COL8A2: variants seen among roughly 807,000 people sequenced by gnomAD.
COL8A2 encodes collagen alpha-2(VIII) chain.
COL8A2 carries 16 observed loss-of-function variants against 24.0 expected under a neutral mutation model. The ratio of observed to expected loss-of-function variants is 0.67; its 90% confidence interval spans 0.45 to 1.01. The LOEUF is 1.01. COL8A2 is among the 50% of genes least tolerant of loss of function. The pLI is 0.00. For missense variants in COL8A2, 818 were observed against 942.4 expected, an observed-to-expected ratio of 0.87 and a Z score of 1.73; for synonymous variants, 466 against 424.5, an observed-to-expected ratio of 1.10 and a Z score of -1.20.
At position 36,123,049 on chromosome 1, in the gene COL8A2, T is replaced by C. The variant is rs1643925801; in HGVS notation, c.-62+2008A>G. Among the ~76,000 whole-genome samples the C allele has an allele frequency of 6.6e-6, 1 of 152,180 alleles. No homozygotes were observed. Among genetic ancestry groups the C allele is most frequent in the Non-Finnish European group, 1.5e-5 (1 of 68,024 alleles). On this transcript the variant is annotated intron_variant, in intron 1 of 3. Transcript: ENST00000397799. This position sits in a 1 kb window ranked among gnomAD's most constrained non-coding sequence, Gnocchi z 4.1. ...TCATCTTCGAAAGCCCTGGCCAGAT[T>C]ACCTCTTAGGTGCCACCTTCCCTGA... is the stretch of plus-strand genomic sequence containing the variant.
chr1:36,098,949 A>T lies in COL8A2; in HGVS notation c.732T>A (p.Leu244=), dbSNP rs1349355842. 1 of 1,609,466 alleles carries T rather than the reference A, an allele frequency of 6.2e-7. No individual in the cohort carries two copies. The highest frequency in any genetic ancestry group is 1.7e-5 in the Admixed American group (1 of 59,846). ...CACCCTTGTCTCCTGGGGCCCCAGGAAGCCCATCCAAACCAGGTTTGCCTA... is the reference window on the plus strand; with the variant it reads ...CACCCTTGTCTCCTGGGGCCCCAGGTAGCCCATCCAAACCAGGTTTGCCTA... ...AGLGKPGLDG[L]PGAPGDKGES... Residue 244 remains leucine, a synonymous_variant, in exon 4 of 4, where the codon CTT becomes CTA. Transcript: ENST00000397799.
At position 36,098,259 on chromosome 1, in the gene COL8A2, A is replaced by C; in HGVS notation, c.1422T>G (p.Ile474Met). 1.3e-6 allele frequency: 2 copies of C among 1,545,344 alleles called. No individual in the cohort carries two copies. Among genetic ancestry groups the C allele is most frequent in the Non-Finnish European group, 8.7e-7 (1 of 1,145,234 alleles). Reference sequence around the variant, plus strand: ...TCAGGCCCGGCAGGCCTTGGGGCCCAATAGGGCCAGCTGGACCCTGGAGTC... The same window carrying C: ...TCAGGCCCGGCAGGCCTTGGGGCCCCATAGGGCCAGCTGGACCCTGGAGTC... ...IPGLQGPAGP[I>M]GPQGLPGLKG... The change falls in exon 4 of 4, where the codon ATT (isoleucine) becomes ATG (methionine). Residue 474 changes from isoleucine to methionine, a missense_variant. Physicochemically the swap from Ile to Met is conservative, Grantham distance 10. Around this residue, in one of 3 missense-constraint regions of COL8A2, gnomAD observed 10 missense variants for 28.3 expected, o/e 0.35. Coordinates refer to ENST00000397799, the MANE Select transcript of COL8A2 (RefSeq NM_005202.4).
intron 1 of COL8A2, among the ~76,000 whole-genome samples, chr1:36,119,077 G>A (rs1045965495): frequency 6.6e-6 from 1 of 152,134 alleles, no homozygotes; most frequent in African/African-American, 2.4e-5. Flanking sequence ...ATTTTACTGA[G>A]GAAGAGTGCT....
rs1354098143 is a variant in COL8A2, at chr1:36,120,777, G to GAGGAAGGA, written c.-62+4272_-62+4279dup. Among the ~76,000 whole-genome samples the GAGGAAGGA allele has an allele frequency of 5.9e-3, 854 of 144,832 alleles. 11 individuals are homozygous for GAGGAAGGA. Among genetic ancestry groups the GAGGAAGGA allele is most frequent in the African/African-American group, 0.021 (814 of 39,094 alleles). ...AAAAAAAAAAAAATAGAGAGAGAGAGAGGAAGGAAGGAAGGAAGGAAGGAA... is the reference window on the plus strand; with the variant it reads ...AAAAAAAAAAAAATAGAGAGAGAGAGAGGAAGGAAGGAAGGAAGGAAGGAAGGAAGGAA... On this transcript the variant is annotated intron_variant, in intron 1 of 3. Coordinates refer to ENST00000397799, the MANE Select transcript of COL8A2 (RefSeq NM_005202.4).
chr1:36,098,155 G>T lies in COL8A2; in HGVS notation c.1526C>A (p.Pro509Gln). ...GATTCCAGGGGAGCCAGGGACCCCTGGGGGCCCCGTGGGCCCAGCCGTGCC... is the reference window on the plus strand; with the variant it reads ...GATTCCAGGGGAGCCAGGGACCCCTTGGGGCCCCGTGGGCCCAGCCGTGCC... ...EPGTAGPTGPPGVPGSPGITG... is the reference protein window; with the variant it reads ...EPGTAGPTGPQGVPGSPGITG... The change falls in exon 4 of 4, where the codon CCA (proline) becomes CAA (glutamine). Residue 509 changes from proline to glutamine, a missense_variant. Physicochemically the swap from Pro to Gln is moderately conservative, Grantham distance 76. Transcript: ENST00000397799. 1.3e-6 allele frequency: 2 copies of T among 1,484,904 alleles called. No individual in the cohort carries two copies. Among genetic ancestry groups the T allele is most frequent in the Non-Finnish European group, 1.8e-6 (2 of 1,123,092 alleles). The allele number at this position is 1,484,904 out of a possible 1,614,324, so 92.0% of individuals were successfully genotyped here. A position where few individuals can be genotyped will look rare whatever the true frequency, so the allele number is the denominator to read the frequency against.
intron 2 of COL8A2, among the ~76,000 whole-genome samples, chr1:36,114,482 G>T (rs879327313): frequency 1.8e-4 from 27 of 152,110 alleles, no homozygotes; most frequent in Admixed American, 1.8e-3. Flanking sequence ...CAACCCAGAC[G>T]TCTCACTGCC....
Position 36,097,608 on chromosome 1 carries a change from G to C in COL8A2, c.2073C>G (p.Ile691Met), listed in dbSNP as rs560249177. ...QANGLYSTEY[I>M]HSSFSGFLLC... ...GCAAGAATCCTGAAAAGGAGGAGTGGATGTACTCCGTGGAGTAGAGGCCGT... is the reference window on the plus strand; with the variant it reads ...GCAAGAATCCTGAAAAGGAGGAGTGCATGTACTCCGTGGAGTAGAGGCCGT... Residue 691 changes from isoleucine (I) to methionine (M), a missense_variant, in exon 4 of 4, where the codon ATC becomes ATG. Ile to Met is a conservative substitution (Grantham distance 10). Coordinates refer to ENST00000397799, the MANE Select transcript of COL8A2 (RefSeq NM_005202.4). The C allele has an allele frequency of 3.1e-6, 5 of 1,612,716 alleles. No homozygotes were observed. In the Admixed American group the frequency reaches 8.3e-5, roughly 27 times the overall value.
intron 1 of COL8A2, among the ~76,000 whole-genome samples, chr1:36,116,903 C>T (rs968656307): frequency 3.3e-5 from 5 of 152,206 alleles, no homozygotes; most frequent in African/African-American, 4.8e-5. Context: ...GTCCCCATTT[C>T]TGCCTCAATC....
chr1:36,110,321 A>G (rs951191278), intron 2 of COL8A2, among the ~76,000 whole-genome samples: 1 of 150,806 alleles, frequency 6.6e-6, no homozygotes, highest in African/African-American at 2.4e-5. Flanking sequence ...CAGTCCCTCC[A>G]TGTGTGCTGC....
intron 2 of COL8A2, 76 bp from the exon 3 acceptor site, chr1:36,100,334 C>T: frequency 7.8e-7 from 1 of 1,282,110 alleles, no homozygotes; most frequent in Non-Finnish European, 1.1e-6. Context: ...ACCAAAAGAT[C>T]AGAATTTAGA....
At chr1:36,111,553 ATT>A (rs373086019) in intron 2 of COL8A2, among the ~76,000 whole-genome samples, 88,884 of 146,850 alleles carry the variant, frequency 0.61, 30,450 homozygotes, top group Non-Finnish European at 0.8. Flanking sequence ...CCCCTGAGCC[ATT>A]TTTTTTTTTT....
At chr1:36,102,584 A>G (rs540086503) in intron 2 of COL8A2, among the ~76,000 whole-genome samples, 3 of 151,856 alleles carry the variant, frequency 2.0e-5, no homozygotes, top group South Asian at 4.2e-4. Context: ...GCACAGCTCT[A>G]TGAACACAGT....
chr1:36,098,155 G>A lies in COL8A2; in HGVS notation c.1526C>T (p.Pro509Leu). 6.7e-7 allele frequency: 1 copy of A among 1,484,904 alleles called. No homozygotes were observed. Among genetic ancestry groups the A allele is most frequent in the South Asian group, 1.3e-5 (1 of 77,020 alleles). The allele number at this position is 1,484,904 out of a possible 1,614,324, so 92.0% of individuals were successfully genotyped here. ...GATTCCAGGGGAGCCAGGGACCCCT[G>A]GGGGCCCCGTGGGCCCAGCCGTGCC... is the stretch of plus-strand genomic sequence containing the variant. ...EPGTAGPTGP[P>L]GVPGSPGITG... The change falls in exon 4 of 4, where the codon CCA becomes CTA. Residue 509 changes from proline to leucine, a missense_variant. By Grantham distance (98) the Pro-to-Leu change is moderately conservative. Coordinates refer to ENST00000397799, the MANE Select transcript of COL8A2 (RefSeq NM_005202.4).
rs1465173012 is a variant in COL8A2 at position 36,115,916 on chromosome 1, T to C, written c.-61-164A>G. Among the ~76,000 whole-genome samples the C allele has an allele frequency of 6.6e-6, 1 of 151,800 alleles. No individual in the cohort carries two copies. The highest frequency in any genetic ancestry group is 2.4e-5 in the African/African-American group (1 of 41,280). Reference sequence around the variant, plus strand: ...GTCTGTACTAAAAATTTTAAAAAATTAGCTGGGCATGATGGTGCACGCCTA... The same window carrying C: ...GTCTGTACTAAAAATTTTAAAAAATCAGCTGGGCATGATGGTGCACGCCTA... On this transcript the variant is annotated intron_variant, in intron 1 of 3. Coordinates refer to ENST00000397799, the MANE Select transcript of COL8A2 (RefSeq NM_005202.4). This position sits in a 1 kb window ranked among gnomAD's most constrained non-coding sequence, Gnocchi z 5.7.
chr1:36,101,505 G>A (rs905260460), intron 2 of COL8A2, among the ~76,000 whole-genome samples: 1 of 152,214 alleles, frequency 6.6e-6, no homozygotes, highest in African/African-American at 2.4e-5. Flanking sequence ...CAAAGCCTGG[G>A]TGAGGAAGAA....
intron 2 of COL8A2, among the ~76,000 whole-genome samples, chr1:36,114,288 T>C (rs1285120210): frequency 1.0e-4 from 13 of 129,248 alleles, no homozygotes; most frequent in Non-Finnish European, 4.7e-5. Flanking sequence ...CACTGCACTC[T>C]AACCTGGGCG....
At position 36,098,264 on chromosome 1, in the gene COL8A2, GGCC is replaced by G. The variant is rs1407107188; in HGVS notation, c.1414_1416del (p.Gly472del). 2 of 1,546,182 alleles carry G rather than the reference GGCC, an allele frequency of 1.3e-6. No homozygotes were observed. Among genetic ancestry groups the G allele is most frequent in the South Asian group, 1.2e-5 (1 of 83,952 alleles). Reference sequence around the variant, plus strand: ...CCCGGCAGGCCTTGGGGCCCAATAGGGCCAGCTGGACCCTGGAGTCCTGGGATT... The same window carrying G: ...CCCGGCAGGCCTTGGGGCCCAATAGGAGCTGGACCCTGGAGTCCTGGGATT... On this transcript the variant is annotated inframe_deletion, in exon 4 of 4. Coordinates refer to ENST00000397799, the MANE Select transcript of COL8A2 (RefSeq NM_005202.4).
Position 36,098,039 on chromosome 1 carries a change from T to C in COL8A2, c.1642A>G (p.Asn548Asp), listed in dbSNP as rs1305997054. 5 of 1,592,050 alleles carry C rather than the reference T, an allele frequency of 3.1e-6. No homozygotes were observed. Among genetic ancestry groups the C allele is most frequent in the Non-Finnish European group, 4.3e-6 (5 of 1,173,828 alleles). Residue 548 changes from asparagine (N) to aspartate (D), a missense_variant, in exon 4 of 4, where the codon AAC becomes GAC. Asn to Asp is a conservative substitution (Grantham distance 23, BLOSUM62 1). Coordinates refer to ENST00000397799, the MANE Select transcript of COL8A2 (RefSeq NM_005202.4). ...AGCACGGCACCCTCCACACCGCCGTTGGGCAGGTGCAAGCCTGCGATGCCA... is the reference window on the plus strand; with the variant it reads ...AGCACGGCACCCTCCACACCGCCGTCGGGCAGGTGCAAGCCTGCGATGCCA... ...ETGIAGLHLP[N>D]GGVEGAVLGK... is the part of the protein sequence containing the mutation.
intron 2 of COL8A2, among the ~76,000 whole-genome samples, chr1:36,107,677 C>G (rs146633908): frequency 6.6e-6 from 1 of 152,242 alleles, no homozygotes; most frequent in East Asian, 1.9e-4. Flanking sequence ...ATGATGCCCC[C>G]TGGAATGGTG....
Sources: gnomAD v4.1 joint callset for allele counts (sites outside exome capture counted in the v4.1 genomes callset) on GRCh38, gnomAD v4.1.1 for gene constraint, gnomAD v4.1.1 regional missense constraint, Gnocchi (gnomAD v3.1) non-coding constraint, MANE v1.5 for transcripts, NCBI Gene and HGNC (gene_info 2026-07-23, HGNC 2026-07-21) for gene names.